Variants in SLAIN1 observed in about 807,000 individuals in gnomAD.
SLAIN1 encodes the protein SLAIN motif-containing protein 1.
A neutral mutation model predicts 55.4 loss-of-function variants in SLAIN1; 17 were observed. The observed-to-expected ratio is 0.31, with a 90% confidence interval of 0.21 to 0.46. The LOEUF is 0.46. Ranked by LOEUF, SLAIN1 falls within the 20% of genes least tolerant of loss-of-function variation. SLAIN1 has a pLI of 1.00. For missense variants in SLAIN1, 682 were observed against 785.1 expected (o/e 0.87, Z 1.57); for synonymous variants, 348 against 337.4 (o/e 1.03, Z -0.35).
At chr13:77,700,143 T>C (rs1416375859) in intron 1 of SLAIN1, among the ~76,000 whole-genome samples, 1 of 152,160 alleles carries the variant, frequency 6.6e-6, no homozygotes, top group Non-Finnish European at 1.5e-5. Context: ...ATTAATAACT[T>C]TCCTTCTTTT....
In SLAIN1 at chr13:77,746,886, T is replaced by G. The variant is rs746251682; in HGVS notation, c.1258+31T>G. 4.6e-6 allele frequency: 7 copies of G among 1,534,216 alleles called. No individual in the cohort carries two copies. The African/African-American group carries it at 9.8e-5, about 21-fold the overall frequency. ...TTGTATGCTTTTTTGGTATTTGATA[T>G]GCTTTAATTTTTTTATATGTGGTCA... On this transcript the variant is annotated intron_variant, in intron 4 of 6. Transcript: ENST00000418532.
At chr13:77,746,925 G>GTGTTTT (rs1430782540) in intron 4 of SLAIN1, 70 bp downstream of exon 4, 8 of 1,394,962 alleles carry the variant, frequency 5.7e-6, no homozygotes, top group African/African-American at 1.5e-5. Flanking sequence ...AATGGTTTTT[G>GTGTTTT]TGTTTTTGTT....
chr13:77,758,857 T>C (rs958087762), intron 5 of SLAIN1, among the ~76,000 whole-genome samples: 1 of 152,312 alleles, frequency 6.6e-6, no homozygotes, highest in Non-Finnish European at 1.5e-5. Flanking sequence ...AGTCAGTTAA[T>C]GTGGTACCTC....
At chr13:77,757,916 A>G (rs1479420112) in intron 5 of SLAIN1, among the ~76,000 whole-genome samples, 1 of 151,940 alleles carries the variant, frequency 6.6e-6, no homozygotes, top group Admixed American at 6.6e-5. Context: ...CTTTTTTTCA[A>G]ATAATGACAT....
chr13:77,723,248 T>C (rs921788123), intron 2 of SLAIN1, among the ~76,000 whole-genome samples: 1 of 152,146 alleles, frequency 6.6e-6, no homozygotes, highest in Non-Finnish European at 1.5e-5. Flanking sequence ...ATTCTCTTAC[T>C]CTACTTGGAA....
At position 77,763,236 on chromosome 13, in the gene SLAIN1, C is replaced by G. The variant is rs767975756; in HGVS notation, c.*16C>G. The G allele has an allele frequency of 6.2e-7, 1 of 1,605,130 alleles. No individual in the cohort carries two copies. The highest frequency in any genetic ancestry group is 1.1e-5 in the South Asian group (1 of 90,624). On this transcript the variant is annotated 3_prime_UTR_variant, in exon 7 of 7. Transcript: ENST00000418532. ...TTGCTACTAATGCAGTTTTATGTAC[C>G]CTTGAAAAATGGGAAAGAAGTAAAA...
rs1466122491 is a variant in SLAIN1 at position 77,698,795 on chromosome 13, A to C, written c.626+256A>C. 2 of 1,332,158 alleles carry C rather than the reference A, an allele frequency of 1.5e-6. No individual in the cohort carries two copies. The highest frequency in any genetic ancestry group is 2.0e-6 in the Non-Finnish European group (2 of 1,002,128). 82.5% of individuals were successfully genotyped at this position (1,332,158 alleles called of 1,614,324 possible). Reference sequence around the variant, plus strand: ...CGGCCCCCCCTTCCCCCCATCTGCCATGGGTTCTGCTATTTGCTGATTGTT... The same window carrying C: ...CGGCCCCCCCTTCCCCCCATCTGCCCTGGGTTCTGCTATTTGCTGATTGTT... On this transcript the variant is annotated intron_variant, in intron 1 of 6. Coordinates refer to ENST00000418532, the MANE Select transcript of SLAIN1 (RefSeq NM_001242868.2). This position sits in a 1 kb window ranked among gnomAD's most constrained non-coding sequence, Gnocchi z 4.1.
At position 77,746,840 on chromosome 13, in the gene SLAIN1, A is replaced by T. The variant is rs1873856348; in HGVS notation, c.1243A>T (p.Asn415Tyr). ...AGCCCAAACTCCAGATCAGCAACCA[A>T]ATAGGACCAATGGAGGTAGGTTGTA... ...PQAQTPDQQP[N>Y]RTNGDKLRRS... The change falls in exon 4 of 7, where the codon AAT (asparagine) becomes TAT (tyrosine). Residue 415 changes from asparagine (N) to tyrosine (Y), a missense_variant. This residue lies in a region of SLAIN1 where 244 missense variants were observed against 295.2 expected (regional missense o/e 0.83). Coordinates refer to ENST00000418532, the MANE Select transcript of SLAIN1 (RefSeq NM_001242868.2). 2 of 1,612,372 alleles carry T rather than the reference A, an allele frequency of 1.2e-6. No homozygotes were observed. Among genetic ancestry groups the T allele is most frequent in the Non-Finnish European group, 1.7e-6 (2 of 1,178,766 alleles).
At chr13:77,718,310 A>G (rs1339120737) in intron 1 of SLAIN1, among the ~76,000 whole-genome samples, 1 of 152,154 alleles carries the variant, frequency 6.6e-6, no homozygotes, top group Non-Finnish European at 1.5e-5. Flanking sequence ...TTCAATGTCT[A>G]TAAATCAATT....
intron 1 of SLAIN1, among the ~76,000 whole-genome samples, chr13:77,701,013 G>T (rs1566216252): frequency 6.6e-6 from 1 of 151,854 alleles, no homozygotes; most frequent in African/African-American, 2.4e-5. Flanking sequence ...ATACACATCA[G>T]TTTTTTTTAA....
At chr13:77,711,141 A>T (rs992914207) in intron 1 of SLAIN1, among the ~76,000 whole-genome samples, 1 of 152,202 alleles carries the variant, frequency 6.6e-6, no homozygotes, top group Non-Finnish European at 1.5e-5. Context: ...AAGATCTCAG[A>T]TCAACACCCT....
chr13:77,741,170 T>C, intron 2 of SLAIN1: 1 of 985,388 alleles, frequency 1.0e-6, no homozygotes, highest in Non-Finnish European at 1.2e-6. Context: ...GTAATTTGCC[T>C]GGCAAGTGAT....
At chr13:77,753,066 TAGAA>T (rs1874351213) in intron 4 of SLAIN1, 133 bp from the exon 5 acceptor site, 7 of 808,562 alleles carry the variant, frequency 8.7e-6, no homozygotes, top group Non-Finnish European at 1.3e-5. Flanking sequence ...TACAATAGGT[TAGAA>T]AGCTTGATCA....
chr13:77,701,821 G>T (rs1289942972), intron 1 of SLAIN1, among the ~76,000 whole-genome samples: 3 of 150,166 alleles, frequency 2.0e-5, no homozygotes, highest in African/African-American at 7.4e-5. Flanking sequence ...CATTGTGCAG[G>T]TTAGTTACAT....
intron 2 of SLAIN1, among the ~76,000 whole-genome samples, chr13:77,732,574 T>C (rs1050866038): frequency 1.3e-5 from 2 of 152,152 alleles, no homozygotes; most frequent in African/African-American, 4.8e-5. Context: ...AATTATTAAG[T>C]TTGATTTAAA....
chr13:77,763,098 T>C (rs1394337523), intron 6 of SLAIN1, 47 bp from the exon 7 acceptor site: 49 of 1,508,016 alleles, frequency 3.2e-5, no homozygotes, highest in Non-Finnish European at 4.5e-5. Flanking sequence ...ATGTGACTCA[T>C]AGGATTATTA....
At position 77,720,913 on chromosome 13, in the gene SLAIN1, A is replaced by G. The variant is rs768800859; in HGVS notation, c.766+1242A>G. Among the ~76,000 whole-genome samples, 7 of 152,232 alleles carry G rather than the reference A, an allele frequency of 4.6e-5. No homozygotes were observed. In the East Asian group the frequency reaches 1.2e-3, roughly 25 times the overall value. ...ACTTAATAATGGAAAGTTGAAGAGC[A>G]GTGTAGGGACAAAGGCATGTTAGGG... is the stretch of plus-strand genomic sequence containing the variant. On this transcript the variant is annotated intron_variant, in intron 2 of 6. Transcript: ENST00000418532.
chr13:77,701,037 T>C (rs2091025714), intron 1 of SLAIN1, among the ~76,000 whole-genome samples: 1 of 152,182 alleles, frequency 6.6e-6, no homozygotes, highest in South Asian at 2.1e-4. Context: ...TTGCCTTTCA[T>C]TGAACATACA....
chr13:77,755,486 T>C (rs1201870897), intron 5 of SLAIN1, among the ~76,000 whole-genome samples: 1 of 152,104 alleles, frequency 6.6e-6, no homozygotes, highest in Non-Finnish European at 1.5e-5. Context: ...CAAAATAGAA[T>C]GTACACTGCA....
Sources: gnomAD v4.1 joint callset for allele counts (sites outside exome capture counted in the v4.1 genomes callset) on GRCh38, gnomAD v4.1.1 for gene constraint, gnomAD v4.1.1 regional missense constraint, Gnocchi (gnomAD v3.1) non-coding constraint, MANE v1.5 for transcripts, NCBI Gene and HGNC (gene_info 2026-07-23, HGNC 2026-07-21) for gene names.